The following SGCD variants were observed in gnomAD, a reference collection of about 807,000 sequenced individuals.
SGCD encodes delta-sarcoglycan.
In SGCD, 18 loss-of-function variants were observed where a neutral mutation model predicts 36.6. That is an observed-to-expected ratio of 0.49 (90% CI 0.34 to 0.73). The LOEUF is 0.73. Ranked by LOEUF, SGCD falls within the 30% of genes least tolerant of loss-of-function variation. The pLI, the probability that SGCD is intolerant of heterozygous loss-of-function variation, is 0.01. For synonymous variants in SGCD, 133 were observed against 130.6 expected (o/e 1.02, Z -0.12); for missense variants, 387 against 346.7 (o/e 1.12, Z -0.92).
chr5:156,142,785 T>G (rs1762610260), intron 3 of SGCD, among the ~76,000 whole-genome samples: 1 of 152,188 alleles, frequency 6.6e-6, no homozygotes, highest in African/African-American at 2.4e-5. Flanking sequence ...TAAGTCCTTA[T>G]GTATGAGCAA....
At chr5:156,022,235 T>G (rs771273316) in intron 1 of SGCD, among the ~76,000 whole-genome samples, 3 of 152,248 alleles carry the variant, frequency 2.0e-5, no homozygotes, top group Non-Finnish European at 4.4e-5. Context: ...TGAATTTTAT[T>G]GCCAAATACA....
chr5:156,073,842 G>A (rs1000916030), intron 1 of SGCD, among the ~76,000 whole-genome samples: 4 of 152,174 alleles, frequency 2.6e-5, no homozygotes, highest in African/African-American at 7.2e-5. Context: ...AGTCCCATAT[G>A]TTCAGTTGAA....
At chr5:155,974,249 G>A (rs761186068) in intron 1 of SGCD, among the ~76,000 whole-genome samples, 3 of 152,096 alleles carry the variant, frequency 2.0e-5, no homozygotes, top group Non-Finnish European at 4.4e-5. Flanking sequence ...TGCAGTAGAG[G>A]AAATTGAGAC....
chr5:156,246,180 A>T (rs557376459), intron 3 of SGCD, among the ~76,000 whole-genome samples: 3 of 152,186 alleles, frequency 2.0e-5, no homozygotes, highest in Non-Finnish European at 4.4e-5. Context: ...CACTAAGCAT[A>T]ATTCATGCCC....
At position 156,442,518 on chromosome 5, in the gene SGCD, C is replaced by T. The variant is rs116650617; in HGVS notation, c.193-66083C>T. 6.5e-3 allele frequency among the ~76,000 whole-genome samples: 990 copies of T among 152,274 alleles called. 8 individuals carry two copies. The highest frequency in any genetic ancestry group is 0.022 in the African/African-American group (926 of 41,564). ...TATATACTGCAGCATGAAATTCAAA[C>T]GTACAAGTGTATATTTCAGTCCACA... On this transcript the variant is annotated intron_variant, in intron 3 of 8. Transcript: ENST00000337851.
the SGCD span, among the ~76,000 whole-genome samples, chr5:155,774,609 A>C: frequency 2.0e-5 from 3 of 152,060 alleles, no homozygotes; most frequent in Non-Finnish European, 4.4e-5. Context: ...TCCATGGCTC[A>C]TAGCCCCTTC....
At chr5:156,449,195 C>T (rs568907010) in intron 3 of SGCD, among the ~76,000 whole-genome samples, 3 of 152,206 alleles carry the variant, frequency 2.0e-5, no homozygotes, top group South Asian at 2.1e-4. Context: ...CAGTTCTATA[C>T]GATTGAGCAG....
intron 3 of SGCD, among the ~76,000 whole-genome samples, chr5:156,146,129 T>C (rs1762706418): frequency 6.6e-6 from 1 of 152,056 alleles, no homozygotes; most frequent in African/African-American, 2.4e-5. Flanking sequence ...AGGAGAATGG[T>C]GTGAACCTGG....
At chr5:156,178,532 T>C (rs932673351) in intron 3 of SGCD, among the ~76,000 whole-genome samples, 1 of 152,228 alleles carries the variant, frequency 6.6e-6, no homozygotes, top group Non-Finnish European at 1.5e-5. Flanking sequence ...TTGTTCTACA[T>C]ATTACACATG....
chr5:156,005,132 A>T (rs760284802), intron 1 of SGCD, among the ~76,000 whole-genome samples: 1 of 152,192 alleles, frequency 6.6e-6, no homozygotes, highest in Non-Finnish European at 1.5e-5. Context: ...GCACAGGTGG[A>T]TAATAGGAAA....
chr5:156,165,142 G>C (rs1423430981), intron 3 of SGCD, among the ~76,000 whole-genome samples: 1 of 152,190 alleles, frequency 6.6e-6, no homozygotes, highest in Admixed American at 6.5e-5. Context: ...AGGGCTGCAG[G>C]AGTTCCGGAG....
At chr5:156,321,395 G>A (rs930893866) in intron 3 of SGCD, among the ~76,000 whole-genome samples, 6 of 152,066 alleles carry the variant, frequency 3.9e-5, no homozygotes, top group African/African-American at 1.4e-4. Flanking sequence ...ACTCCAGCCT[G>A]GGTGACAGAG....
At chr5:156,436,972 A>G (rs1438172599) in intron 3 of SGCD, among the ~76,000 whole-genome samples, 2 of 152,140 alleles carry the variant, frequency 1.3e-5, no homozygotes, top group Non-Finnish European at 2.9e-5. Context: ...CATCTTATGG[A>G]CAGAAAAGTC....
At chr5:155,956,805 C>T (rs79108912) in intron 1 of SGCD, among the ~76,000 whole-genome samples, 10 of 150,682 alleles carry the variant, frequency 6.6e-5, no homozygotes, top group African/African-American at 2.4e-4. Flanking sequence ...GGGCCCCCCC[C>T]CCCGGTTAAT....
At chr5:156,441,993 G>C (rs575727720) in intron 3 of SGCD, among the ~76,000 whole-genome samples, 1 of 152,306 alleles carries the variant, frequency 6.6e-6, no homozygotes, top group South Asian at 2.1e-4. Flanking sequence ...GGAGGTAGCA[G>C]GCAGCTGTTT....
chr5:156,488,876 A>G (rs532547392), intron 3 of SGCD, among the ~76,000 whole-genome samples: 1 of 152,220 alleles, frequency 6.6e-6, no homozygotes, highest in Admixed American at 6.5e-5. Flanking sequence ...AATGATTTCT[A>G]TCAATAAAAA....
chr5:156,307,118 T>C (rs1167341207), intron 3 of SGCD, among the ~76,000 whole-genome samples: 3 of 150,648 alleles, frequency 2.0e-5, no homozygotes, highest in African/African-American at 7.3e-5. Context: ...CACAGATAAC[T>C]GCAGGCTCAA....
chr5:156,459,088 A>G (rs932216819), intron 3 of SGCD, among the ~76,000 whole-genome samples: 1 of 152,152 alleles, frequency 6.6e-6, no homozygotes, highest in African/African-American at 2.4e-5. Context: ...AAGGGAAAAA[A>G]AATCACCTGA....
At chr5:156,015,099 A>G (rs1283191253) in intron 1 of SGCD, among the ~76,000 whole-genome samples, 1 of 152,188 alleles carries the variant, frequency 6.6e-6, no homozygotes, top group East Asian at 1.9e-4. Flanking sequence ...ATACTTCGAG[A>G]ACATTATCTA....
Sources: gnomAD v4.1 joint callset for allele counts (sites outside exome capture counted in the v4.1 genomes callset) on GRCh38, gnomAD v4.1.1 for gene constraint, MANE v1.5 for transcripts, NCBI Gene and HGNC (gene_info 2026-07-23, HGNC 2026-07-21) for gene names.